RAPGEF1: variants seen among roughly 807,000 people sequenced by gnomAD.
The protein encoded by RAPGEF1 is CRK SH3-binding GNRP.
A neutral mutation model predicts 143.3 loss-of-function variants in RAPGEF1; 33 were observed. The ratio of observed to expected loss-of-function variants is 0.23; its 90% CI spans 0.17 to 0.31. RAPGEF1 has a LOEUF of 0.31. Among genes scored for constraint, RAPGEF1 ranks in the 10% least tolerant of loss-of-function variants. The pLI is 1.00. For missense variants in RAPGEF1, 1,199 were observed against 1,645.4 expected, an observed-to-expected ratio of 0.73 and a Z score of 4.69; for synonymous variants, 629 against 676.5, an observed-to-expected ratio of 0.93 and a Z score of 1.09.
intron 5 of RAPGEF1, among the ~76,000 whole-genome samples, chr9:131,638,007 C>T (rs2133225297): frequency 6.6e-6 from 1 of 152,352 alleles, no homozygotes; most frequent in Middle Eastern, 3.4e-3. Flanking sequence ...AAGGCCCTTA[C>T]CTGGTTCATG....
At chr9:131,682,927 T>A (rs1488834707) in intron 1 of RAPGEF1, among the ~76,000 whole-genome samples, 1 of 152,198 alleles carries the variant, frequency 6.6e-6, no homozygotes. Context: ...CGCTGAAATA[T>A]ATCAAAGTAG....
Position 131,584,855 on chromosome 9 carries a change from G to A in RAPGEF1, c.3234-259C>T, listed in dbSNP as rs1952455574. Among the ~76,000 whole-genome samples, 1 of 152,216 alleles carries A rather than the reference G, an allele frequency of 6.6e-6. No individual in the cohort carries two copies. Among genetic ancestry groups the A allele is most frequent in the African/African-American group, 2.4e-5 (1 of 41,456 alleles). On this transcript the variant is annotated intron_variant, in intron 22 of 26. Transcript: ENST00000683357. The surrounding 1 kb of genome is among the most constrained non-coding windows in gnomAD (Gnocchi z 6.8). ...GGAAATCTGGTGAAGGCCCAAAGGG[G>A]GCTTCGAATCTGCAGGTGGAGCATG...
chr9:131,625,898 G>T, intron 10 of RAPGEF1, 24 bp downstream of exon 10: 1 of 1,526,646 alleles, frequency 6.6e-7, no homozygotes, highest in South Asian at 1.3e-5. Flanking sequence ...TGCACTTCCT[G>T]ACAACAGTGC....
intron 11 of RAPGEF1, among the ~76,000 whole-genome samples, chr9:131,620,265 C>T (rs1003489016): frequency 3.5e-5 from 4 of 115,776 alleles, no homozygotes; most frequent in Non-Finnish European, 5.2e-5. Context: ...AAATCTGGCT[C>T]AGCAATGGCT....
chr9:131,692,259 A>G (rs1833834348), intron 1 of RAPGEF1, among the ~76,000 whole-genome samples: 1 of 152,240 alleles, frequency 6.6e-6, no homozygotes, highest in South Asian at 2.1e-4. Context: ...CTTTATCTTT[A>G]GTAGAAATGA....
rs756188986 is a variant in RAPGEF1, at chr9:131,675,907, TCA to T, written c.62-24960_62-24959del. 5.9e-5 allele frequency among the ~76,000 whole-genome samples: 9 copies of T among 151,466 alleles called. No homozygotes were observed. The highest frequency in any genetic ancestry group is 8.8e-5 in the Non-Finnish European group (6 of 67,888). ...TCGAACTGCTCAGTTTGACAAAAAC[TCA>T]GTCTTTTTTTTTTTTTTAATCTCGC... is the stretch of plus-strand genomic sequence containing the variant. On this transcript the variant is annotated intron_variant, in intron 1 of 26. Transcript: ENST00000683357. The surrounding 1 kb of genome is among the most constrained non-coding windows in gnomAD (Gnocchi z 4.6).
intron 12 of RAPGEF1, among the ~76,000 whole-genome samples, chr9:131,614,958 G>T (rs769838023): frequency 3.9e-5 from 6 of 152,154 alleles, no homozygotes; most frequent in Non-Finnish European, 8.8e-5. Flanking sequence ...AGATGGTAAA[G>T]AAATATTTCA....
chr9:131,688,119 C>T (rs878921664), intron 1 of RAPGEF1, among the ~76,000 whole-genome samples: 1 of 152,222 alleles, frequency 6.6e-6, no homozygotes, highest in Non-Finnish European at 1.5e-5. Context: ...TGCACAGTTA[C>T]CTGCCTGGGC....
At position 131,579,392 on chromosome 9, in the gene RAPGEF1, G is replaced by A. The variant is rs1951515466; in HGVS notation, c.*105C>T. 19 of 1,457,230 alleles carry A rather than the reference G, an allele frequency of 1.3e-5. No homozygotes were observed. Among genetic ancestry groups the A allele is most frequent in the South Asian group, 5.4e-5 (4 of 73,544 alleles). The allele number at this position is 1,457,230 out of a possible 1,614,324, so 90.3% of individuals were successfully genotyped here. On this transcript the variant is annotated 3_prime_UTR_variant, in exon 27 of 27. Transcript: ENST00000683357. ...GAGGGCTGGCCAGCCTCATGGCTCC[G>A]AGGCCGGGACTCCTGCCATGCGCCT... is the stretch of plus-strand genomic sequence containing the variant.
At chr9:131,586,144 C>G (rs11243441) in intron 22 of RAPGEF1, among the ~76,000 whole-genome samples, 7 of 151,814 alleles carry the variant, frequency 4.6e-5, no homozygotes, top group African/African-American at 1.7e-4. Flanking sequence ...TGCAGTGAGC[C>G]GAGATTGCGC....
intron 4 of RAPGEF1, among the ~76,000 whole-genome samples, chr9:131,640,548 G>A (rs1967619817): frequency 6.6e-6 from 1 of 152,220 alleles, no homozygotes; most frequent in South Asian, 2.1e-4. Context: ...CTGAGGCCCA[G>A]CTGCTGGCTC....
intron 1 of RAPGEF1, among the ~76,000 whole-genome samples, chr9:131,656,926 C>G (rs1205473674): frequency 6.6e-6 from 1 of 152,234 alleles, no homozygotes; most frequent in South Asian, 2.1e-4. Context: ...GGGTATCCAC[C>G]TCAGCACAGC....
At chr9:131,597,532 G>T (rs1564482857) in intron 16 of RAPGEF1, among the ~76,000 whole-genome samples, 1 of 152,196 alleles carries the variant, frequency 6.6e-6, no homozygotes, top group African/African-American at 2.4e-5. Flanking sequence ...GTTGCCTCCT[G>T]GTGCGGGCCA....
chr9:131,660,891 T>C (rs1166553781), intron 1 of RAPGEF1, among the ~76,000 whole-genome samples: 1 of 152,178 alleles, frequency 6.6e-6, no homozygotes, highest in Non-Finnish European at 1.5e-5. Context: ...CTGGTAAGCA[T>C]TACAAAGAGA....
intron 5 of RAPGEF1, among the ~76,000 whole-genome samples, chr9:131,636,805 T>C (rs1966482162): frequency 6.6e-6 from 1 of 152,154 alleles, no homozygotes; most frequent in Non-Finnish European, 1.5e-5. Context: ...GGACCAGATA[T>C]GATAATGTAC....
Position 131,650,673 on chromosome 9 carries a change from AG to A in RAPGEF1, c.201+136del, listed in dbSNP as rs1179732460. 1 of 1,307,964 alleles carries A rather than the reference AG, an allele frequency of 7.6e-7. No individual in the cohort carries two copies. Among genetic ancestry groups the A allele is most frequent in the African/African-American group, 1.5e-5 (1 of 67,212 alleles). 81.0% of individuals were successfully genotyped at this position (1,307,964 alleles called of 1,614,324 possible). ...GGTTCTTATTTTACAAGGACACCAA[AG>A]GTCCCGCCCATGGAATGCTACGAAG... On this transcript the variant is annotated intron_variant, in intron 2 of 26. Transcript: ENST00000683357. The surrounding 1 kb of genome is among the most constrained non-coding windows in gnomAD (Gnocchi z 4.7).
chr9:131,694,794 TTTC>T lies in RAPGEF1; in HGVS notation c.62-43848_62-43846del, dbSNP rs1192607430. ...CCTACAGCACTCATCACCTTCACAC[TTTC>T]TTTTTTTTTTTTTTTTATACTTTAA... On this transcript the variant is annotated intron_variant, in intron 1 of 26. Coordinates refer to ENST00000683357, the MANE Select transcript of RAPGEF1 (RefSeq NM_001377935.1). Among the ~76,000 whole-genome samples the T allele has an allele frequency of 9.5e-4, 114 of 119,846 alleles. 1 individual carries two copies. Among genetic ancestry groups the T allele is most frequent in the African/African-American group, 3.7e-3 (104 of 27,868 alleles). 78.6% of individuals were successfully genotyped at this position (119,846 alleles called of 152,430 possible).
At chr9:131,619,759 C>T (rs1960205326) in intron 11 of RAPGEF1, among the ~76,000 whole-genome samples, 1 of 152,190 alleles carries the variant, frequency 6.6e-6, no homozygotes, top group Admixed American at 6.5e-5. Flanking sequence ...TGAAATATTG[C>T]TTACCACACT....
intron 1 of RAPGEF1, among the ~76,000 whole-genome samples, chr9:131,712,318 T>G (rs1369511713): frequency 6.6e-6 from 1 of 152,168 alleles, no homozygotes; most frequent in Non-Finnish European, 1.5e-5. Flanking sequence ...GTTGAATAAA[T>G]GAGTGGATAG....
Sources: gnomAD v4.1 joint callset for allele counts (sites outside exome capture counted in the v4.1 genomes callset) on GRCh38, gnomAD v4.1.1 for gene constraint, Gnocchi (gnomAD v3.1) non-coding constraint, MANE v1.5 for transcripts, NCBI Gene and HGNC (gene_info 2026-07-23, HGNC 2026-07-21) for gene names.